EPHB2: variants seen among roughly 807,000 people sequenced by gnomAD.
EPHB2 encodes ephrin type-B receptor 2.
In EPHB2, 18 loss-of-function variants were observed where a neutral mutation model predicts 96.4. The observed-to-expected ratio is 0.19, with a 90% CI of 0.13 to 0.28. The LOEUF is 0.28. Among genes scored for constraint, EPHB2 ranks in the 10% least tolerant of loss-of-function variants. The pLI, the probability that EPHB2 is intolerant of heterozygous loss-of-function variation, is 1.00. For missense variants in EPHB2, 989 were observed against 1,355.4 expected (o/e 0.73, Z 4.25); for synonymous variants, 506 against 534.1 (o/e 0.95, Z 0.72).
chr1:22,770,421 A>G (rs1394108805), intron 1 of EPHB2, among the ~76,000 whole-genome samples: 1 of 152,194 alleles, frequency 6.6e-6, no homozygotes, highest in Non-Finnish European at 1.5e-5. Flanking sequence ...AACCAGTGCC[A>G]ATTAGGCAAA....
rs558714901 is a variant in EPHB2, at chr1:22,859,939, A to G, written c.812-3098A>G. Among the ~76,000 whole-genome samples the G allele has an allele frequency of 7.9e-5, 12 of 152,228 alleles. No homozygotes were observed. In the South Asian group the frequency reaches 2.5e-3, roughly 32 times the overall value. On this transcript the variant is annotated intron_variant, in intron 3 of 15. Transcript: ENST00000374630. The stretch of plus-strand genomic sequence containing the variant: ...TAGCACCTCCTCCCCCTGCTCCCCT[A>G]TCCCCAGCCATTGGCAACCACGCAT...
chr1:22,908,463 G>A (rs866113149), intron 12 of EPHB2, among the ~76,000 whole-genome samples: 1 of 152,192 alleles, frequency 6.6e-6, no homozygotes, highest in East Asian at 1.9e-4. Flanking sequence ...AGAAGGGCCC[G>A]GAAACGTTTG....
chr1:22,859,679 G>C (rs1018916857), intron 3 of EPHB2, among the ~76,000 whole-genome samples: 2 of 152,094 alleles, frequency 1.3e-5, no homozygotes, highest in African/African-American at 4.8e-5. Context: ...TGTAGTCCCA[G>C]CTACTCGGGA....
At chr1:22,737,683 T>C (rs1456058220) in intron 1 of EPHB2, among the ~76,000 whole-genome samples, 4 of 152,164 alleles carry the variant, frequency 2.6e-5, no homozygotes, top group African/African-American at 9.6e-5. Flanking sequence ...CCCTCCCCCA[T>C]TAAACTGGAG....
intron 5 of EPHB2, among the ~76,000 whole-genome samples, chr1:22,877,108 C>T (rs182458771): frequency 3.3e-3 from 507 of 152,314 alleles, no homozygotes; most frequent in Middle Eastern, 0.01. Flanking sequence ...CTCAGGGGCC[C>T]TCGGAGGTCC....
chr1:22,773,153 G>A (rs547396823), intron 1 of EPHB2, among the ~76,000 whole-genome samples: 11 of 152,290 alleles, frequency 7.2e-5, no homozygotes, highest in South Asian at 4.1e-4. Flanking sequence ...TCAAAACAAC[G>A]CAGTGAAGTA....
At chr1:22,839,564 C>T (rs1261498463) in intron 3 of EPHB2, among the ~76,000 whole-genome samples, 1 of 152,190 alleles carries the variant, frequency 6.6e-6, no homozygotes, top group African/African-American at 2.4e-5. Context: ...AACAACCTGG[C>T]TATTCAAGGA....
rs537459824 is a variant in EPHB2, at chr1:22,762,323, C to T, written c.62-19098C>T. Among the ~76,000 whole-genome samples, 4 of 152,312 alleles carry T rather than the reference C, an allele frequency of 2.6e-5. No homozygotes were observed. In the South Asian group the frequency reaches 6.2e-4, roughly 24 times the overall value. On this transcript the variant is annotated intron_variant, in intron 1 of 15. Transcript: ENST00000374630. ...GGCAGACTCCAGACACCCTCCACTC[C>T]TTAGGGCTGCAGGACCCTCAGCTGG...
chr1:22,837,558 A>C (rs1348534763), intron 3 of EPHB2, among the ~76,000 whole-genome samples: 1 of 152,228 alleles, frequency 6.6e-6, no homozygotes, highest in Non-Finnish European at 1.5e-5. Context: ...AGAGTTGCAC[A>C]TTGTTTAGTA....
At chr1:22,773,139 A>T (rs1440914796) in intron 1 of EPHB2, among the ~76,000 whole-genome samples, 1 of 152,104 alleles carries the variant, frequency 6.6e-6, no homozygotes, top group African/African-American at 2.4e-5. Flanking sequence ...GCCTCCTTTG[A>T]TCCTCAAAAC....
intron 6 of EPHB2, among the ~76,000 whole-genome samples, chr1:22,884,953 G>A (rs1639176497): frequency 1.3e-5 from 2 of 152,214 alleles, no homozygotes; most frequent in Admixed American, 1.3e-4. Context: ...CCTTGAGGGT[G>A]AAGATCTTGC....
chr1:22,838,360 T>G (rs1223145532), intron 3 of EPHB2, among the ~76,000 whole-genome samples: 2 of 152,254 alleles, frequency 1.3e-5, no homozygotes, highest in East Asian at 3.8e-4. Context: ...ATTAAACTAA[T>G]CAGGGGAAGG....
chr1:22,789,368 G>A (rs1357172528), intron 3 of EPHB2, among the ~76,000 whole-genome samples: 1 of 152,232 alleles, frequency 6.6e-6, no homozygotes. Context: ...GGCAGATGGA[G>A]AGTGGGGGAG....
chr1:22,781,611 T>C, intron 2 of EPHB2, 126 bp downstream of exon 2: 1 of 878,920 alleles, frequency 1.1e-6, no homozygotes, highest in Non-Finnish European at 1.8e-6. Context: ...CAGGCCTCTC[T>C]CAGCCCCACC....
chr1:22,739,927 C>T (rs1313611462), intron 1 of EPHB2, among the ~76,000 whole-genome samples: 1 of 152,122 alleles, frequency 6.6e-6, no homozygotes, highest in African/African-American at 2.4e-5. Context: ...GTTTTGAACA[C>T]AGAGAAGAAT....
chr1:22,795,607 T>C (rs1184372639), intron 3 of EPHB2, among the ~76,000 whole-genome samples: 2 of 152,218 alleles, frequency 1.3e-5, no homozygotes, highest in Non-Finnish European at 2.9e-5. Context: ...GAGGCTGCTT[T>C]TGTGTAACAT....
intron 1 of EPHB2, among the ~76,000 whole-genome samples, chr1:22,729,452 G>T (rs1317214466): frequency 6.6e-6 from 1 of 152,146 alleles, no homozygotes; most frequent in African/African-American, 2.4e-5. Context: ...TGTTGCTTTT[G>T]GGTCACTCTT....
chr1:22,788,753 GTTT>G (rs66554696), intron 3 of EPHB2, among the ~76,000 whole-genome samples: 52 of 134,138 alleles, frequency 3.9e-4, no homozygotes, highest in Non-Finnish European at 4.7e-4. Flanking sequence ...TTTTGTTTTT[GTTT>G]TTTTTTTTTT....
chr1:22,780,496 G>T (rs1644513535), intron 1 of EPHB2, among the ~76,000 whole-genome samples: 1 of 152,230 alleles, frequency 6.6e-6, no homozygotes, highest in Non-Finnish European at 1.5e-5. Context: ...ATAGGAACAT[G>T]ATGGAAGGCT....
Sources: allele counts gnomAD v4.1 joint callset (sites outside exome capture counted in the v4.1 genomes callset), GRCh38; gene constraint gnomAD v4.1.1; transcripts MANE v1.5; gene names NCBI Gene and HGNC (gene_info 2026-07-23, HGNC 2026-07-21).